ASTN1: variants seen among roughly 807,000 people sequenced by gnomAD.
ASTN1 encodes astrotactin 1, also known as astrotactin-1.
A neutral mutation model predicts 140.7 loss-of-function variants in ASTN1; 41 were observed. The ratio of observed to expected loss-of-function variants is 0.29; its 90% CI spans 0.23 to 0.38. The LOEUF (loss-of-function observed/expected upper bound fraction) is 0.38, where lower values mean the gene tolerates loss of function less well. ASTN1 is among the 10% of genes least tolerant of loss of function. ASTN1 has a pLI of 1.00. For missense variants in ASTN1, 1,479 were observed against 1,678.8 expected, an observed-to-expected ratio of 0.88 and a Z score of 2.08; for synonymous variants, 640 against 652.2, an observed-to-expected ratio of 0.98 and a Z score of 0.29.
At chr1:176,880,901 T>C (rs1367738459) in intron 20 of ASTN1, among the ~76,000 whole-genome samples, 1 of 152,106 alleles carries the variant, frequency 6.6e-6, no homozygotes, top group African/African-American at 2.4e-5. Context: ...TCTCACAGAG[T>C]CAGAGGGGAT....
chr1:177,109,050 G>A (rs995875295), intron 1 of ASTN1, among the ~76,000 whole-genome samples: 4 of 152,128 alleles, frequency 2.6e-5, no homozygotes, highest in African/African-American at 9.6e-5. Context: ...AGAGTGCAGA[G>A]TTATCTGAGT....
At chr1:177,078,341 C>T (rs919986826) in intron 1 of ASTN1, among the ~76,000 whole-genome samples, 3 of 152,126 alleles carry the variant, frequency 2.0e-5, no homozygotes, top group African/African-American at 7.2e-5. Context: ...AAACATTTCC[C>T]ACCATTGAGC....
chr1:177,069,782 G>C (rs4650957), intron 1 of ASTN1, among the ~76,000 whole-genome samples: 3,746 of 151,810 alleles, frequency 0.025, 82 homozygotes, highest in East Asian at 0.1. Context: ...TCCTACCACA[G>C]TGTTTCTCTG....
chr1:176,967,038 A>G (rs892448753), intron 8 of ASTN1, among the ~76,000 whole-genome samples: 1 of 152,208 alleles, frequency 6.6e-6, no homozygotes, highest in African/African-American at 2.4e-5. Flanking sequence ...TTAATTACCC[A>G]GAGTCTTTAT....
At chr1:177,136,486 G>T (rs1225962075) in intron 1 of ASTN1, among the ~76,000 whole-genome samples, 1 of 151,720 alleles carries the variant, frequency 6.6e-6, no homozygotes, top group African/African-American at 2.4e-5. Context: ...CTGAGTAGCT[G>T]GGAGTACAGG....
At chr1:177,114,968 G>C (rs905889678) in intron 1 of ASTN1, among the ~76,000 whole-genome samples, 3 of 152,090 alleles carry the variant, frequency 2.0e-5, no homozygotes, top group African/African-American at 7.2e-5. Context: ...CTGTTAGCCA[G>C]AAGAGGAAGA....
At chr1:177,072,949 GA>G (rs1034534079) in intron 1 of ASTN1, among the ~76,000 whole-genome samples, 8 of 148,588 alleles carry the variant, frequency 5.4e-5, no homozygotes, top group Admixed American at 6.7e-5. Flanking sequence ...TTTGCAAAAT[GA>G]AAAAAAAAAG....
chr1:176,988,907 ATGAT>A (rs1378298129), intron 8 of ASTN1, among the ~76,000 whole-genome samples: 1 of 152,218 alleles, frequency 6.6e-6, no homozygotes, highest in East Asian at 1.9e-4. Context: ...TGAGGCTAAA[ATGAT>A]TGATTGTAAG....
intron 20 of ASTN1, among the ~76,000 whole-genome samples, chr1:176,882,074 C>A (rs567973531): frequency 6.6e-6 from 1 of 152,310 alleles, no homozygotes; most frequent in Non-Finnish European, 1.5e-5. Flanking sequence ...GCATCTTTTA[C>A]ATCTCTGCGT....
At chr1:177,039,551 A>G (rs1558051165) in intron 2 of ASTN1, among the ~76,000 whole-genome samples, 2 of 152,226 alleles carry the variant, frequency 1.3e-5, no homozygotes, top group Non-Finnish European at 2.9e-5. Context: ...TAACTTCTCA[A>G]GGTCCCTTCT....
At chr1:177,103,729 A>T (rs1466410802) in intron 1 of ASTN1, among the ~76,000 whole-genome samples, 1 of 152,126 alleles carries the variant, frequency 6.6e-6, no homozygotes, top group Non-Finnish European at 1.5e-5. Flanking sequence ...GTTGTTTTAC[A>T]TGTTTATCAT....
intron 8 of ASTN1, among the ~76,000 whole-genome samples, chr1:176,977,553 T>A (rs904967763): frequency 3.3e-5 from 5 of 152,224 alleles, no homozygotes; most frequent in Admixed American, 3.3e-4. Flanking sequence ...GGATGGCAAG[T>A]AGAGAAACTA....
intron 1 of ASTN1, among the ~76,000 whole-genome samples, chr1:177,115,579 C>A (rs1347440434): frequency 1.3e-5 from 2 of 151,698 alleles, no homozygotes; most frequent in African/African-American, 2.4e-5. Context: ...ATTGCTTGAA[C>A]CCAGGAGGTG....
intron 12 of ASTN1, among the ~76,000 whole-genome samples, chr1:176,948,149 A>C (rs1008679290): frequency 3.9e-5 from 6 of 152,234 alleles, no homozygotes; most frequent in African/African-American, 1.4e-4. Flanking sequence ...ATGACTATAA[A>C]CATTGATTAT....
chr1:177,029,684 G>A lies in ASTN1; in HGVS notation c.1070C>T (p.Pro357Leu). ...GDSGTEAEND[P>L]QLTFYTDPSR... ...AGGATCCGTGTAAAAGGTCAGCTGG[G>A]GGTCGTTTTCTGCCTCTGTGCCAGA... The change falls in exon 5 of 23, where the codon CCC becomes CTC. Residue 357 changes from proline to leucine, a missense_variant. Around this residue, in one of 3 missense-constraint regions of ASTN1, gnomAD observed 729 missense variants for 860.4 expected, o/e 0.85. Transcript: ENST00000361833. 6.2e-7 allele frequency: 1 copy of A among 1,613,762 alleles called. No individual in the cohort carries two copies.
chr1:176,958,854 T>C (rs1672531627), intron 9 of ASTN1, among the ~76,000 whole-genome samples: 1 of 152,182 alleles, frequency 6.6e-6, no homozygotes, highest in African/African-American at 2.4e-5. Flanking sequence ...CCCCATCCCA[T>C]GGCTGCACAC....
chr1:177,056,537 G>T (rs1266219667), intron 2 of ASTN1, among the ~76,000 whole-genome samples: 1 of 150,958 alleles, frequency 6.6e-6, no homozygotes, highest in Non-Finnish European at 1.5e-5. Context: ...CTCTACCAGT[G>T]GGAGTTATCA....
chr1:177,053,596 A>G (rs1223211915), intron 2 of ASTN1, among the ~76,000 whole-genome samples: 1 of 152,234 alleles, frequency 6.6e-6, no homozygotes, highest in Non-Finnish European at 1.5e-5. Context: ...GTGTTAAATA[A>G]TCAATATCTA....
intron 8 of ASTN1, among the ~76,000 whole-genome samples, chr1:176,995,116 A>G (rs1027792207): frequency 1.1e-4 from 17 of 152,210 alleles, no homozygotes; most frequent in African/African-American, 4.1e-4. Flanking sequence ...ACTTGCACAC[A>G]TAACCTTATA....
Sources: gnomAD v4.1 joint callset for allele counts (sites outside exome capture counted in the v4.1 genomes callset) on GRCh38, gnomAD v4.1.1 for gene constraint, gnomAD v4.1.1 regional missense constraint, MANE v1.5 for transcripts, NCBI Gene and HGNC (gene_info 2026-07-23, HGNC 2026-07-21) for gene names.